MECOM: variants seen among roughly 807,000 people sequenced by gnomAD.
The protein encoded by MECOM is histone-lysine N-methyltransferase MECOM.
A neutral mutation model predicts 116.3 loss-of-function variants in MECOM; 13 were observed. The ratio of observed to expected loss-of-function variants is 0.11; its 90% CI spans 0.07 to 0.18. The LOEUF (loss-of-function observed/expected upper bound fraction) is 0.18, where lower values mean the gene tolerates loss of function less well. Among genes scored for constraint, MECOM ranks in the 10% least tolerant of loss-of-function variants. MECOM has a pLI of 1.00. For missense variants in MECOM, 1,299 were observed against 1,509.0 expected, an observed-to-expected ratio of 0.86 and a Z score of 2.31; for synonymous variants, 528 against 535.2, an observed-to-expected ratio of 0.99 and a Z score of 0.19.
intron 1 of MECOM, among the ~76,000 whole-genome samples, chr3:169,508,916 G>T (rs966579636): frequency 2.0e-5 from 3 of 152,148 alleles, no homozygotes; most frequent in Non-Finnish European, 4.4e-5. Flanking sequence ...CAAAATAAGT[G>T]TGACGCTATA....
At chr3:169,356,559 C>T (rs1025117512) in intron 2 of MECOM, among the ~76,000 whole-genome samples, 7 of 151,870 alleles carry the variant, frequency 4.6e-5, no homozygotes, top group African/African-American at 1.4e-4. Flanking sequence ...CTGCCACGGA[C>T]GGCTCCATCA....
At chr3:169,540,400 C>T (rs1245868543) in intron 1 of MECOM, among the ~76,000 whole-genome samples, 1 of 152,172 alleles carries the variant, frequency 6.6e-6, no homozygotes, top group Non-Finnish European at 1.5e-5. Flanking sequence ...TTATCTCTCC[C>T]CTGCATTAGG....
rs558989404 is a variant in MECOM at position 169,262,053 on chromosome 3, G to C, written c.376-118221C>G. 2.0e-5 allele frequency among the ~76,000 whole-genome samples: 3 copies of C among 152,118 alleles called. No individual in the cohort carries two copies. In the East Asian group the frequency reaches 5.8e-4, roughly 29 times the overall value. ...TTATGGAACGTCTACCCTGTGCCACGCCCCAATCTAGGAGCTTGGAATAAA... is the reference window on the plus strand; with the variant it reads ...TTATGGAACGTCTACCCTGTGCCACCCCCCAATCTAGGAGCTTGGAATAAA... On this transcript the variant is annotated intron_variant, in intron 2 of 16. Coordinates refer to ENST00000651503, the MANE Select transcript of MECOM (RefSeq NM_004991.4).
chr3:169,186,981 G>A (rs918439369), intron 2 of MECOM, among the ~76,000 whole-genome samples: 3 of 152,188 alleles, frequency 2.0e-5, no homozygotes, highest in African/African-American at 7.2e-5. Flanking sequence ...TCAATATTCA[G>A]TAGGTAGTTA....
chr3:169,625,046 A>G (rs1223265194), intron 1 of MECOM, among the ~76,000 whole-genome samples: 1 of 151,980 alleles, frequency 6.6e-6, no homozygotes, highest in Non-Finnish European at 1.5e-5. Flanking sequence ...AAAAAAAAAA[A>G]AAAGAAAGGA....
intron 1 of MECOM, among the ~76,000 whole-genome samples, chr3:169,560,970 A>G (rs1466505816): frequency 1.3e-5 from 2 of 152,048 alleles, no homozygotes; most frequent in Admixed American, 1.3e-4. Context: ...CTACAAATCA[A>G]TAAGAAAAAT....
chr3:169,325,028 A>G (rs1045379350), intron 2 of MECOM, among the ~76,000 whole-genome samples: 1 of 152,078 alleles, frequency 6.6e-6, no homozygotes, highest in Non-Finnish European at 1.5e-5. Context: ...AGAGTACTAA[A>G]TCTAGGATGA....
chr3:169,149,077 C>CTTTTTTTT (rs60870748), intron 2 of MECOM, among the ~76,000 whole-genome samples: 9 of 115,108 alleles, frequency 7.8e-5, no homozygotes, highest in African/African-American at 2.5e-4. Flanking sequence ...TCGGAGCTTT[C>CTTTTTTTT]TTTTTTTTTT....
At chr3:169,236,636 A>G (rs1488887440) in intron 2 of MECOM, among the ~76,000 whole-genome samples, 1 of 152,152 alleles carries the variant, frequency 6.6e-6, no homozygotes. Context: ...TTTTGTATAC[A>G]CCTCGAAGAG....
intron 2 of MECOM, among the ~76,000 whole-genome samples, chr3:169,378,314 AG>A (rs1731410422): frequency 6.7e-6 from 1 of 149,720 alleles, no homozygotes; most frequent in Non-Finnish European, 1.5e-5. Context: ...TAGAACTTAA[AG>A]TATAAGACCA....
intron 1 of MECOM, among the ~76,000 whole-genome samples, chr3:169,396,708 C>T (rs543414335): frequency 1.0e-3 from 159 of 152,216 alleles, no homozygotes; most frequent in African/African-American, 3.4e-3. Flanking sequence ...TGGTGGCTCA[C>T]GCCTGTAATC....
intron 2 of MECOM, among the ~76,000 whole-genome samples, chr3:169,268,050 T>C (rs1359596875): frequency 1.3e-5 from 2 of 152,054 alleles, no homozygotes; most frequent in Non-Finnish European, 2.9e-5. Context: ...AAGCAAAAAA[T>C]TGTATCTATG....
intron 2 of MECOM, among the ~76,000 whole-genome samples, chr3:169,170,104 T>C (rs183883741): frequency 1.3e-5 from 2 of 152,224 alleles, no homozygotes; most frequent in East Asian, 3.9e-4. Context: ...CTGTCTGTTC[T>C]AAATCAGACC....
intron 1 of MECOM, among the ~76,000 whole-genome samples, chr3:169,484,896 C>G (rs896816716): frequency 2.0e-5 from 3 of 152,036 alleles, no homozygotes; most frequent in Non-Finnish European, 4.4e-5. Context: ...ATTACATTAG[C>G]TAGTTGATAT....
At chr3:169,468,438 T>A (rs1415643354) in intron 1 of MECOM, among the ~76,000 whole-genome samples, 1 of 152,284 alleles carries the variant, frequency 6.6e-6, no homozygotes, top group East Asian at 1.9e-4. Flanking sequence ...ATTTTTAGGG[T>A]CTGTCTTTCC....
intron 1 of MECOM, among the ~76,000 whole-genome samples, chr3:169,383,413 A>G (rs757335278): frequency 1.7e-4 from 26 of 152,136 alleles, no homozygotes; most frequent in Non-Finnish European, 3.1e-4. Flanking sequence ...TCCTCTTTCT[A>G]CTATGAATAC....
chr3:169,267,184 G>C (rs1014812397), intron 2 of MECOM, among the ~76,000 whole-genome samples: 8 of 152,336 alleles, frequency 5.3e-5, no homozygotes, highest in African/African-American at 1.7e-4. Flanking sequence ...AAGGATCCAG[G>C]GTTCCTGAGA....
At chr3:169,235,203 C>A (rs1430772743) in intron 2 of MECOM, among the ~76,000 whole-genome samples, 1 of 152,122 alleles carries the variant, frequency 6.6e-6, no homozygotes, top group Non-Finnish European at 1.5e-5. Flanking sequence ...ATAAACCATT[C>A]TAATGTGCTC....
chr3:169,214,344 C>T (rs560992608), intron 2 of MECOM, among the ~76,000 whole-genome samples: 1 of 150,908 alleles, frequency 6.6e-6, no homozygotes, highest in South Asian at 2.1e-4. Flanking sequence ...ATTATATGAT[C>T]AGGTTTTAAT....
Sources: gnomAD v4.1 joint callset for allele counts (sites outside exome capture counted in the v4.1 genomes callset) on GRCh38, gnomAD v4.1.1 for gene constraint, MANE v1.5 for transcripts, NCBI Gene and HGNC (gene_info 2026-07-23, HGNC 2026-07-21) for gene names.